KIFAP3: variants seen among roughly 807,000 people sequenced by gnomAD.
KIFAP3 encodes kinesin associated protein 3.
KIFAP3 carries 68 observed loss-of-function variants against 106.5 expected under a neutral mutation model. That is an observed-to-expected ratio of 0.64 (90% CI 0.53 to 0.78). KIFAP3 has a LOEUF of 0.78. KIFAP3 is among the 30% of genes least tolerant of loss of function. The pLI is 0.00. For synonymous variants in KIFAP3, 320 were observed against 311.5 expected, an observed-to-expected ratio of 1.03 and a Z score of -0.29; for missense variants, 780 against 941.8, an observed-to-expected ratio of 0.83 and a Z score of 2.25.
chr1:170,029,767 C>T (rs1018370502), intron 8 of KIFAP3, among the ~76,000 whole-genome samples: 4 of 151,866 alleles, frequency 2.6e-5, no homozygotes, highest in African/African-American at 7.2e-5. Flanking sequence ...GTGCTATTGG[C>T]ATCAAAAACA....
At chr1:169,977,143 T>G (rs1666258470) in intron 16 of KIFAP3, among the ~76,000 whole-genome samples, 1 of 152,178 alleles carries the variant, frequency 6.6e-6, no homozygotes, top group East Asian at 1.9e-4. Context: ...TAAGCCAGTA[T>G]CTGTTTAGAT....
intron 18 of KIFAP3, chr1:169,958,245 G>A (rs961713275): frequency 6.6e-6 from 1 of 152,400 alleles, no homozygotes; most frequent in Non-Finnish European, 1.5e-5. Context: ...ACTATGCCTG[G>A]GTAATTTCTT....
At chr1:169,926,582 G>A (rs2750020) in intron 19 of KIFAP3, among the ~76,000 whole-genome samples, 47,116 of 151,352 alleles carry the variant, frequency 0.31, 8,175 homozygotes, top group East Asian at 0.68. Flanking sequence ...GTATATATGT[G>A]TATATATATA....
intron 17 of KIFAP3, among the ~76,000 whole-genome samples, chr1:169,970,935 T>C (rs1037259342): frequency 1.3e-5 from 2 of 151,996 alleles, no homozygotes; most frequent in East Asian, 3.9e-4. Context: ...TAAGACAGTA[T>C]CTAGAAGAGA....
chr1:170,081,961 T>G (rs1012968183), intron 1 of KIFAP3, among the ~76,000 whole-genome samples: 1 of 152,194 alleles, frequency 6.6e-6, no homozygotes, highest in Non-Finnish European at 1.5e-5. Flanking sequence ...GTGGTAAGAA[T>G]GTGGAGCTAC....
In KIFAP3 at chr1:170,038,290, C is replaced by A; in HGVS notation, c.517G>T (p.Glu173Ter). The A allele has an allele frequency of 6.3e-7, 1 of 1,587,388 alleles. No individual in the cohort carries two copies. Among genetic ancestry groups the A allele is most frequent in the East Asian group, 2.3e-5 (1 of 43,784 alleles). Reference sequence around the variant, plus strand: ...ATTAAACATGTTTTATAGTAATCACCATTCAATAGTAGTTCTTCCAAGTTA... The same window carrying A: ...ATTAAACATGTTTTATAGTAATCACAATTCAATAGTAGTTCTTCCAAGTTA... The part of the protein sequence containing the change: ...PDNLEELLLN[E>*]TALGALARVL... The change falls in exon 5 of 20, where the codon GAA (glutamate) becomes TAA (stop). Residue 173 changes from glutamate to a stop codon, truncating the protein, a stop_gained and splice_region_variant. Coordinates refer to ENST00000361580, the MANE Select transcript of KIFAP3 (RefSeq NM_014970.4). LOFTEE classifies it high-confidence loss of function.
chr1:170,004,704 A>G (rs1376441957), intron 10 of KIFAP3, among the ~76,000 whole-genome samples: 1 of 151,796 alleles, frequency 6.6e-6, no homozygotes, highest in Non-Finnish European at 1.5e-5. Flanking sequence ...ACAAAAATTA[A>G]TTCAAGATGG....
At chr1:169,972,315 G>A (rs1336099678) in intron 17 of KIFAP3, among the ~76,000 whole-genome samples, 198 bp downstream of exon 17, 1 of 151,916 alleles carries the variant, frequency 6.6e-6, no homozygotes, top group Non-Finnish European at 1.5e-5. Context: ...CATCTTTAAG[G>A]AGCCGATGAC....
intron 19 of KIFAP3, among the ~76,000 whole-genome samples, chr1:169,923,868 C>G (rs1662966075): frequency 6.6e-6 from 1 of 152,218 alleles, no homozygotes; most frequent in Admixed American, 6.5e-5. Context: ...GCGTGGTGAT[C>G]TGGTAAGCTA....
chr1:170,047,962 C>T (rs2102092744), intron 2 of KIFAP3, among the ~76,000 whole-genome samples: 1 of 152,272 alleles, frequency 6.6e-6, no homozygotes, highest in Non-Finnish European at 1.5e-5. Context: ...GAAAGATGAA[C>T]AAGCAGCCAC....
chr1:169,981,448 C>A (rs191923875), intron 15 of KIFAP3, among the ~76,000 whole-genome samples: 1 of 152,062 alleles, frequency 6.6e-6, no homozygotes, highest in Non-Finnish European at 1.5e-5. Flanking sequence ...ATTCAAGTAA[C>A]CCTTATTTCA....
chr1:170,068,798 A>G (rs1055546030), intron 1 of KIFAP3: 12 of 152,064 alleles, frequency 7.9e-5, no homozygotes, highest in African/African-American at 2.9e-4. Context: ...AAATAAATAA[A>G]AGATTTTGAA....
chr1:169,954,870 A>C (rs1252589387), intron 18 of KIFAP3, among the ~76,000 whole-genome samples: 1 of 152,124 alleles, frequency 6.6e-6, no homozygotes, highest in Non-Finnish European at 1.5e-5. Flanking sequence ...TCTTTCCCTA[A>C]ATTTAAGTAT....
chr1:170,053,302 T>G (rs776730436), intron 2 of KIFAP3, among the ~76,000 whole-genome samples: 27 of 152,144 alleles, frequency 1.8e-4, no homozygotes, highest in Non-Finnish European at 3.7e-4. Context: ...GTGAAGGACC[T>G]CTTCGAGGAG....
chr1:170,043,754 G>C lies in KIFAP3; in HGVS notation c.319+2958C>G, dbSNP rs142385992. Among the ~76,000 whole-genome samples the C allele has an allele frequency of 2.9e-3, 443 of 152,236 alleles. 1 individual carries two copies. Among genetic ancestry groups the C allele is most frequent in the African/African-American group, 8.8e-3 (365 of 41,536 alleles). On this transcript the variant is annotated intron_variant, in intron 3 of 19. Coordinates refer to ENST00000361580, the MANE Select transcript of KIFAP3 (RefSeq NM_014970.4). Reference sequence around the variant, plus strand: ...AATAAGGGGAAAAGAAAAGGGGAGAGTCATGGGTCTCATCCCAGCAGAGTG... The same window carrying C: ...AATAAGGGGAAAAGAAAAGGGGAGACTCATGGGTCTCATCCCAGCAGAGTG...
intron 19 of KIFAP3, among the ~76,000 whole-genome samples, chr1:169,923,397 A>T (rs1662925778): frequency 6.6e-6 from 1 of 152,178 alleles, no homozygotes; most frequent in African/African-American, 2.4e-5. Context: ...AAATTAGAGA[A>T]GTTATTGAAA....
At chr1:169,925,895 A>T (rs530565607) in intron 19 of KIFAP3, among the ~76,000 whole-genome samples, 7 of 152,324 alleles carry the variant, frequency 4.6e-5, no homozygotes, top group African/African-American at 1.7e-4. Context: ...TTAAAACGAG[A>T]TAAAAGCAAC....
intron 1 of KIFAP3, among the ~76,000 whole-genome samples, chr1:170,066,481 C>T (rs949903263): frequency 1.4e-4 from 22 of 151,972 alleles, no homozygotes; most frequent in Non-Finnish European, 7.4e-5. Context: ...GGCAAAAACA[C>T]GTATGTGTGT....
rs763110257 is a variant in KIFAP3, at chr1:169,972,493, T to C, written c.1983+20A>G. Reference sequence around the variant, plus strand: ...AAGATGAAGTCAATTATACTTTGTGTAGAAAAAATAATTACTTACCGCTAT... The same window carrying C: ...AAGATGAAGTCAATTATACTTTGTGCAGAAAAAATAATTACTTACCGCTAT... On this transcript the variant is annotated intron_variant, in intron 17 of 19. Transcript: ENST00000361580. 1.1e-5 allele frequency: 13 copies of C among 1,157,058 alleles called. No homozygotes were observed. The highest frequency in any genetic ancestry group is 1.9e-4 in the Middle Eastern group (1 of 5,166). 71.7% of individuals were successfully genotyped at this position (1,157,058 alleles called of 1,614,324 possible).
Sources: allele counts gnomAD v4.1 joint callset (sites outside exome capture counted in the v4.1 genomes callset), GRCh38; gene constraint gnomAD v4.1.1; transcripts MANE v1.5; gene names NCBI Gene and HGNC (gene_info 2026-07-23, HGNC 2026-07-21).